The following SPIDR variants were observed in gnomAD, a reference collection of about 807,000 sequenced individuals.
SPIDR encodes DNA repair-scaffolding protein.
Under a neutral mutation model 104.6 loss-of-function variants are expected in SPIDR, and 93 were observed. That is an observed-to-expected ratio of 0.89 (90% CI 0.75 to 1.06). SPIDR has a LOEUF of 1.06. SPIDR is among the 50% of genes least tolerant of loss of function. The probability of loss-of-function intolerance (pLI) is 0.00; values close to 1 mark genes in which losing one functional copy is unlikely to be tolerated. For missense variants in SPIDR, 1,154 were observed against 1,111.2 expected (o/e 1.04, Z -0.55); for synonymous variants, 431 against 416.9 (o/e 1.03, Z -0.41).
chr8:47,278,096 C>CTTT lies in SPIDR; in HGVS notation c.34-1751_34-1749dup, dbSNP rs71225674. Among the ~76,000 whole-genome samples, 324 of 137,238 alleles carry CTTT rather than the reference C, an allele frequency of 2.4e-3. 5 individuals carry two copies. The East Asian group carries it at 0.032, about 13-fold the overall frequency. The allele number at this position is 137,238 out of a possible 152,430, so 90.0% of individuals were successfully genotyped here. ...TGGCAGTGCTTGTCATTTTCTTTCT[C>CTTT]TTTTTTTTTTTTTTTTTATTAATAG... On this transcript the variant is annotated intron_variant, in intron 1 of 19. Coordinates refer to ENST00000297423, the MANE Select transcript of SPIDR (RefSeq NM_001080394.4).
intron 10 of SPIDR, among the ~76,000 whole-genome samples, chr8:47,601,662 C>T (rs981022330): frequency 6.6e-6 from 1 of 152,170 alleles, no homozygotes; most frequent in African/African-American, 2.4e-5. Flanking sequence ...CACTGCACTC[C>T]AGCCTGGGGA....
chr8:47,433,935 A>G (rs1554690677), intron 7 of SPIDR, among the ~76,000 whole-genome samples: 1 of 152,152 alleles, frequency 6.6e-6, no homozygotes, highest in African/African-American at 2.4e-5. Flanking sequence ...TTACAATGCT[A>G]GGAGCCCCAA....
At chr8:47,312,749 G>T (rs200905914) in intron 5 of SPIDR, among the ~76,000 whole-genome samples, 35 of 152,214 alleles carry the variant, frequency 2.3e-4, no homozygotes, top group Non-Finnish European at 3.8e-4. Context: ...GTCAATTTTG[G>T]CTTTTGTTGC....
intron 4 of SPIDR, 46 bp downstream of exon 4, chr8:47,291,183 TATTG>T: frequency 7.5e-7 from 1 of 1,333,632 alleles, no homozygotes; most frequent in Non-Finnish European, 1.1e-6. Context: ...AACAGGAACA[TATTG>T]TGTCCAGAAG....
chr8:47,485,300 TG>T lies in SPIDR; in HGVS notation c.1097+44763del, dbSNP rs1469504414. Among the ~76,000 whole-genome samples, 4 of 152,244 alleles carry T rather than the reference TG, an allele frequency of 2.6e-5. No homozygotes were observed. In the East Asian group the frequency reaches 7.7e-4, roughly 29 times the overall value. ...TCAAACTGCAAGGCGGCAGCGAGGC[TG>T]GGGGAGGGGCGCCTGCCATTGCTGA... is the stretch of plus-strand genomic sequence containing the variant. On this transcript the variant is annotated intron_variant, in intron 8 of 19. Coordinates refer to ENST00000297423, the MANE Select transcript of SPIDR (RefSeq NM_001080394.4).
At chr8:47,498,064 T>C (rs1008166528) in intron 8 of SPIDR, among the ~76,000 whole-genome samples, 6 of 152,216 alleles carry the variant, frequency 3.9e-5, no homozygotes, top group Admixed American at 2.0e-4. Flanking sequence ...CTGAATTGAC[T>C]ATAACATCAA....
intron 5 of SPIDR, among the ~76,000 whole-genome samples, chr8:47,377,833 C>G (rs1184153082): frequency 1.3e-5 from 2 of 152,204 alleles, no homozygotes; most frequent in African/African-American, 4.8e-5. Context: ...CTAATTCATT[C>G]CCAAGCTCTC....
intron 1 of SPIDR, among the ~76,000 whole-genome samples, chr8:47,266,131 T>C (rs1554546527): frequency 1.4e-5 from 2 of 145,518 alleles, no homozygotes; most frequent in East Asian, 2.0e-4. Context: ...TTCTTTGTCT[T>C]TTTTTTTTTT....
At chr8:47,507,358 T>A (rs2081644537) in intron 8 of SPIDR, among the ~76,000 whole-genome samples, 1 of 152,214 alleles carries the variant, frequency 6.6e-6, no homozygotes, top group South Asian at 2.1e-4. Context: ...CCTCATGCCA[T>A]CTCTTCTGGG....
intron 11 of SPIDR, among the ~76,000 whole-genome samples, chr8:47,689,386 A>G (rs1338106201): frequency 2.0e-5 from 3 of 152,236 alleles, no homozygotes; most frequent in Admixed American, 6.5e-5. Context: ...AGTGAAGTGT[A>G]AAAGTCAAGA....
intron 8 of SPIDR, among the ~76,000 whole-genome samples, chr8:47,444,813 A>G (rs1270711120): frequency 1.3e-5 from 2 of 152,040 alleles, no homozygotes; most frequent in Admixed American, 6.6e-5. Context: ...CACACTCAAC[A>G]TTTTTTATGG....
intron 5 of SPIDR, among the ~76,000 whole-genome samples, chr8:47,360,400 C>G (rs2055613461): frequency 6.6e-6 from 1 of 152,056 alleles, no homozygotes; most frequent in Non-Finnish European, 1.5e-5. Flanking sequence ...TATCATTCTT[C>G]TGTTTTAATT....
chr8:47,496,134 G>A (rs2079407117), intron 8 of SPIDR, among the ~76,000 whole-genome samples: 1 of 151,956 alleles, frequency 6.6e-6, no homozygotes, highest in Non-Finnish European at 1.5e-5. Flanking sequence ...TACGTCATCT[G>A]CTAATAGGGA....
At chr8:47,296,223 A>G (rs2040820476) in intron 5 of SPIDR, among the ~76,000 whole-genome samples, 1 of 152,150 alleles carries the variant, frequency 6.6e-6, no homozygotes, top group African/African-American at 2.4e-5. Context: ...AATCCATGGC[A>G]CATCTTTTGC....
intron 11 of SPIDR, among the ~76,000 whole-genome samples, chr8:47,685,493 A>ATTTTTTTTTTTT (rs1563538977): frequency 8.8e-6 from 1 of 114,262 alleles, no homozygotes; most frequent in Non-Finnish European, 2.1e-5. Context: ...TTATTTATTT[A>ATTTTTTTTTTTT]TTTATTTATT....
chr8:47,677,555 G>A (rs912878670), intron 11 of SPIDR, among the ~76,000 whole-genome samples: 2 of 152,210 alleles, frequency 1.3e-5, no homozygotes, highest in African/African-American at 4.8e-5. Flanking sequence ...TTTTACAGTA[G>A]TGTACTGGAG....
chr8:47,628,653 A>G (rs1369540085), intron 10 of SPIDR, among the ~76,000 whole-genome samples: 1 of 152,218 alleles, frequency 6.6e-6, no homozygotes, highest in Non-Finnish European at 1.5e-5. Context: ...TCCCATCCCC[A>G]AGATATCTTA....
chr8:47,364,466 C>G (rs1390117816), intron 5 of SPIDR, among the ~76,000 whole-genome samples: 1 of 152,168 alleles, frequency 6.6e-6, no homozygotes, highest in Non-Finnish European at 1.5e-5. Flanking sequence ...AGCTTCAATG[C>G]AAGTTTTGTT....
intron 10 of SPIDR, among the ~76,000 whole-genome samples, chr8:47,615,934 A>C (rs572802739): frequency 7.0e-4 from 106 of 151,828 alleles, no homozygotes; most frequent in Admixed American, 3.8e-3. Flanking sequence ...TATTATTTTG[A>C]TGTTATTATA....
Sources: gnomAD v4.1 joint callset for allele counts (sites outside exome capture counted in the v4.1 genomes callset) on GRCh38, gnomAD v4.1.1 for gene constraint, MANE v1.5 for transcripts, NCBI Gene and HGNC (gene_info 2026-07-23, HGNC 2026-07-21) for gene names.